Variants in NSD1 observed in about 807,000 individuals in gnomAD.
NSD1 encodes histone-lysine N-methyltransferase, H3 lysine-36 specific.
NSD1 carries 26 observed loss-of-function variants against 242.7 expected under a neutral mutation model. That is an observed-to-expected ratio of 0.11 (90% CI 0.08 to 0.15). NSD1 has a LOEUF of 0.15. NSD1 is among the 10% of genes least tolerant of loss of function. The pLI, the probability that NSD1 is intolerant of heterozygous loss-of-function variation, is 1.00. For missense variants in NSD1, 2,495 were observed against 3,272.8 expected (o/e 0.76, Z 5.80); for synonymous variants, 1,106 against 1,178.1 (o/e 0.94, Z 1.25).
chr5:177,227,420 A>G (rs1258884557), intron 5 of NSD1, among the ~76,000 whole-genome samples: 4 of 152,288 alleles, frequency 2.6e-5, no homozygotes, highest in Admixed American at 6.5e-5. Context: ...GATGATAACA[A>G]TATTCATTAA....
intron 15 of NSD1, among the ~76,000 whole-genome samples, chr5:177,268,910 C>T (rs778777152): frequency 5.3e-5 from 8 of 152,020 alleles, no homozygotes; most frequent in Non-Finnish European, 1.2e-4. Flanking sequence ...GGACTGTGAA[C>T]ATTTGGTCAG....
chr5:177,136,606 CTTT>C (rs1174352886), intron 2 of NSD1, among the ~76,000 whole-genome samples: 3 of 141,324 alleles, frequency 2.1e-5, no homozygotes, highest in East Asian at 2.0e-4. Context: ...ACCATTAGCT[CTTT>C]TTTTTTTTTT....
chr5:177,266,231 T>C (rs974864876), intron 14 of NSD1: 2 of 840,576 alleles, frequency 2.4e-6, no homozygotes, highest in African/African-American at 3.3e-5. Context: ...GTTCACCTTT[T>C]CCACCGGGAG....
chr5:177,194,384 T>A (rs75105351), intron 3 of NSD1, among the ~76,000 whole-genome samples: 1 of 151,142 alleles, frequency 6.6e-6, no homozygotes, highest in Non-Finnish European at 1.5e-5. Context: ...CTCAGCATCC[T>A]GAATAGCTGG....
At chr5:177,283,677 G>C in intron 19 of NSD1, 110 bp from the exon 20 acceptor site, 1 of 1,230,882 alleles carries the variant, frequency 8.1e-7, no homozygotes, top group Non-Finnish European at 1.2e-6. Context: ...TTCTCTGAGA[G>C]GTTCAGTCTT....
Position 177,185,664 on chromosome 5 carries a change from T to TTA in NSD1, c.928-6207_928-6206dup, listed in dbSNP as rs199987269. ...TTTTGAGACAGAGACCAAATATATA[T>TTA]TATATATATATATAATATATATTTG... is the stretch of plus-strand genomic sequence containing the variant. On this transcript the variant is annotated intron_variant, in intron 2 of 22. Coordinates refer to ENST00000439151, the MANE Select transcript of NSD1 (RefSeq NM_022455.5). Among the ~76,000 whole-genome samples the TTA allele has an allele frequency of 2.2e-3, 266 of 122,912 alleles. 1 individual carries two copies. Among genetic ancestry groups the TTA allele is most frequent in the African/African-American group, 6.1e-3 (196 of 32,170 alleles). 80.6% of individuals were successfully genotyped at this position (122,912 alleles called of 152,430 possible).
At chr5:177,208,801 T>C (rs963040012) in intron 4 of NSD1, among the ~76,000 whole-genome samples, 1 of 152,124 alleles carries the variant, frequency 6.6e-6, no homozygotes, top group African/African-American at 2.4e-5. Context: ...GTGCTAGTGA[T>C]TCTCCTGCCT....
intron 14 of NSD1, among the ~76,000 whole-genome samples, chr5:177,261,404 T>G (rs143856209): frequency 1.4e-3 from 209 of 152,182 alleles, no homozygotes; most frequent in African/African-American, 4.5e-3. Context: ...TTAAAATACT[T>G]GTTTTTTAGA....
intron 8 of NSD1, among the ~76,000 whole-genome samples, chr5:177,243,377 G>T (rs1322481636): frequency 6.6e-6 from 1 of 151,936 alleles, no homozygotes; most frequent in African/African-American, 2.4e-5. Flanking sequence ...TAGTAGAAAC[G>T]GGGTTTCACC....
chr5:177,138,859 G>A lies in NSD1; in HGVS notation c.927+2829G>A, dbSNP rs1371898772. 2.7e-5 allele frequency among the ~76,000 whole-genome samples: 4 copies of A among 149,504 alleles called. No individual in the cohort carries two copies. The South Asian group carries it at 6.3e-4, about 24-fold the overall frequency. ...TTACCATGTTGGCCCAGCTGGTCTC[G>A]AACTCCTGACCTCAGGTGATCCACC... On this transcript the variant is annotated intron_variant, in intron 2 of 22. Transcript: ENST00000439151.
Position 177,211,252 on chromosome 5 carries a change from A to G in NSD1, c.2853A>G (p.Gly951=). 6.2e-7 allele frequency: 1 copy of G among 1,614,024 alleles called. No individual in the cohort carries two copies. The highest frequency in any genetic ancestry group is 8.5e-7 in the Non-Finnish European group (1 of 1,179,968). ...ACTGTTCTACTAATAGTCCTGTAGG[A>G]GTCTCTAAGGTTTTGGTTTCAGGAG... ...RGDCSTNSPV[G]VSKVLVSGGS... Residue 951 remains glycine, a synonymous_variant, in exon 5 of 23, where the codon GGA becomes GGG. Coordinates refer to ENST00000439151, the MANE Select transcript of NSD1 (RefSeq NM_022455.5).
intron 2 of NSD1, among the ~76,000 whole-genome samples, chr5:177,147,241 G>A (rs1457504390): frequency 1.3e-5 from 2 of 152,010 alleles, no homozygotes; most frequent in Non-Finnish European, 2.9e-5. Flanking sequence ...GATTAGCTGC[G>A]ACTACAGGCA....
intron 14 of NSD1, among the ~76,000 whole-genome samples, chr5:177,261,582 C>A (rs1757006198): frequency 6.6e-6 from 1 of 152,028 alleles, no homozygotes; most frequent in Non-Finnish European, 1.5e-5. Context: ...GTTGTCTGAA[C>A]TTTTGTGATC....
chr5:177,150,124 T>A (rs567783648), intron 2 of NSD1, among the ~76,000 whole-genome samples: 17 of 151,798 alleles, frequency 1.1e-4, no homozygotes, highest in East Asian at 3.9e-4. Context: ...TTGTATTTTT[T>A]AATTTTTATT....
At position 177,240,662 on chromosome 5, in the gene NSD1, G is replaced by A. The variant is rs188966308; in HGVS notation, c.4302+797G>A. Among the ~76,000 whole-genome samples, 994 of 152,168 alleles carry A rather than the reference G, an allele frequency of 6.5e-3. 13 individuals carry two copies. Among genetic ancestry groups the A allele is most frequent in the East Asian group, 0.026 (136 of 5,158 alleles). On this transcript the variant is annotated intron_variant, in intron 8 of 22. Coordinates refer to ENST00000439151, the MANE Select transcript of NSD1 (RefSeq NM_022455.5). ...CAGGAGGCGGAGCTTGCAGTGAGCC[G>A]AGATGGCGCCACTGCACTCCAGCCT...
At chr5:177,293,374 C>T (rs1293719351) in intron 22 of NSD1, among the ~76,000 whole-genome samples, 1 of 152,046 alleles carries the variant, frequency 6.6e-6, no homozygotes, top group South Asian at 2.1e-4. Context: ...TATATCTTTT[C>T]TATTACTGTT....
rs191610646 is a variant in NSD1, at chr5:177,174,004, G to A, written c.928-17880G>A. Among the ~76,000 whole-genome samples, 377 of 152,256 alleles carry A rather than the reference G, an allele frequency of 2.5e-3. 1 individual carries two copies. Among genetic ancestry groups the A allele is most frequent in the Non-Finnish European group, 3.6e-3 (246 of 68,018 alleles). On this transcript the variant is annotated intron_variant, in intron 2 of 22. Coordinates refer to ENST00000439151, the MANE Select transcript of NSD1 (RefSeq NM_022455.5). ...TGGTTAGTGGGAAGGATATTTTAGTGTTATTTTCATATTCACATTATCCTG... is the reference window on the plus strand; with the variant it reads ...TGGTTAGTGGGAAGGATATTTTAGTATTATTTTCATATTCACATTATCCTG...
At chr5:177,275,832 G>C (rs28611501) in intron 17 of NSD1, among the ~76,000 whole-genome samples, 14 of 152,242 alleles carry the variant, frequency 9.2e-5, no homozygotes, top group Non-Finnish European at 1.8e-4. Context: ...TTACAAGATA[G>C]AGGAAAAGTA....
At chr5:177,290,098 G>T (rs1157015183) in intron 21 of NSD1, among the ~76,000 whole-genome samples, 3 of 151,270 alleles carry the variant, frequency 2.0e-5, no homozygotes, top group Admixed American at 2.0e-4. Context: ...AAAGTGCTGG[G>T]ATTACAGGCG....
Sources: allele counts gnomAD v4.1 joint callset (sites outside exome capture counted in the v4.1 genomes callset), GRCh38; gene constraint gnomAD v4.1.1; transcripts MANE v1.5; gene names NCBI Gene and HGNC (gene_info 2026-07-23, HGNC 2026-07-21).